SHC4: variants seen among roughly 807,000 people sequenced by gnomAD.
The protein encoded by SHC4 is SHC-transforming protein 4.
Under a neutral mutation model 69.4 loss-of-function variants are expected in SHC4, and 41 were observed. The observed-to-expected ratio is 0.59, with a 90% CI of 0.46 to 0.77. The LOEUF (loss-of-function observed/expected upper bound fraction) is 0.77. SHC4 is among the 30% of genes least tolerant of loss of function. The pLI, the probability that SHC4 is intolerant of heterozygous loss-of-function variation, is 0.00. For synonymous variants in SHC4, 318 were observed against 299.3 expected (o/e 1.06, Z -0.64); for missense variants, 777 against 783.8 (o/e 0.99, Z 0.10).
chr15:48,925,606 C>A (rs999005753), intron 1 of SHC4, among the ~76,000 whole-genome samples: 9 of 152,150 alleles, frequency 5.9e-5, no homozygotes, highest in African/African-American at 2.2e-4. Flanking sequence ...TGTGCTGCAT[C>A]AGTGATTAGT....
At chr15:48,935,376 C>G (rs1353070656) in intron 1 of SHC4, among the ~76,000 whole-genome samples, 1 of 152,140 alleles carries the variant, frequency 6.6e-6, no homozygotes, top group African/African-American at 2.4e-5. Flanking sequence ...GTCTATGCCT[C>G]CTGCTGGACT....
At chr15:48,902,587 C>T (rs1356224759) in intron 2 of SHC4, among the ~76,000 whole-genome samples, 1 of 152,084 alleles carries the variant, frequency 6.6e-6, no homozygotes, top group African/African-American at 2.4e-5. Context: ...CAGCTGAGTT[C>T]CTTACACAGA....
intron 2 of SHC4, among the ~76,000 whole-genome samples, chr15:48,905,622 A>G (rs557928301): frequency 6.6e-6 from 1 of 152,262 alleles, no homozygotes; most frequent in Non-Finnish European, 1.5e-5. Flanking sequence ...TGCATGATGA[A>G]GAAGGCCTGG....
At chr15:48,877,804 C>A in intron 4 of SHC4, 1 of 184,670 alleles carries the variant, frequency 5.4e-6, no homozygotes, top group Non-Finnish European at 1.1e-5. Flanking sequence ...CGGTAAATTG[C>A]CCAGGGGAAG....
At chr15:48,854,946 C>T (rs947631013) in intron 8 of SHC4, among the ~76,000 whole-genome samples, 2 of 152,074 alleles carry the variant, frequency 1.3e-5, no homozygotes, top group African/African-American at 4.8e-5. Flanking sequence ...AACCTGCACA[C>T]ATACTCCCTC....
intron 10 of SHC4, among the ~76,000 whole-genome samples, chr15:48,838,113 T>C (rs993019064): frequency 6.6e-6 from 1 of 152,190 alleles, no homozygotes; most frequent in African/African-American, 2.4e-5. Flanking sequence ...TAGAATACTA[T>C]AGAGCAATTT....
intron 1 of SHC4, among the ~76,000 whole-genome samples, chr15:48,949,033 C>T (rs1027722096): frequency 2.0e-5 from 3 of 152,100 alleles, no homozygotes; most frequent in Non-Finnish European, 4.4e-5. Context: ...CTGTGTCTTC[C>T]ACTGGCATCT....
intron 2 of SHC4, among the ~76,000 whole-genome samples, chr15:48,920,145 G>A (rs1480852061): frequency 2.0e-5 from 3 of 151,702 alleles, no homozygotes; most frequent in African/African-American, 4.8e-5. Flanking sequence ...CTCCTGAGTA[G>A]CTGGGACTAC....
intron 1 of SHC4, 86 bp downstream of exon 1, chr15:48,962,345 A>G: frequency 7.4e-7 from 1 of 1,352,512 alleles, no homozygotes; most frequent in Non-Finnish European, 1.0e-6. Flanking sequence ...GAACCCAGGC[A>G]GGTAACATTA....
chr15:48,962,824 T>A lies in SHC4; in HGVS notation c.192A>T (p.Ala64=). 1 of 1,591,692 alleles carries A rather than the reference T, an allele frequency of 6.3e-7. No homozygotes were observed. The highest frequency in any genetic ancestry group is 1.1e-5 in the South Asian group (1 of 90,588). The change falls in exon 1 of 12, where the codon GCA becomes GCT. Residue 64 remains alanine, a synonymous_variant. Transcript: ENST00000332408. ...TGGCATCTTCAGTCGGCAGGTGAGGTGCCAGGGCGGGGTGGGGAGGCTGCG... is the reference window on the plus strand; with the variant it reads ...TGGCATCTTCAGTCGGCAGGTGAGGAGCCAGGGCGGGGTGGGGAGGCTGCG... The part of the protein sequence containing the change: ...GSPQPPHPAL[A]PHLPTEDATL...
chr15:48,914,283 G>T (rs957284572), intron 2 of SHC4, among the ~76,000 whole-genome samples: 1 of 152,240 alleles, frequency 6.6e-6, no homozygotes, highest in Non-Finnish European at 1.5e-5. Flanking sequence ...GAAACATTAA[G>T]TGTGGTAGGG....
rs538243616 is a variant in SHC4, at chr15:48,945,166, C to G, written c.585+17265G>C. 9.9e-5 allele frequency among the ~76,000 whole-genome samples: 15 copies of G among 152,130 alleles called. No individual in the cohort carries two copies. In the South Asian group the frequency reaches 2.7e-3, roughly 27 times the overall value. Reference sequence around the variant, plus strand: ...CCAGAGACAGACTCACTCTGAAAAGCAAAAAGTCATAGCTGACTGAACAAA... The same window carrying G: ...CCAGAGACAGACTCACTCTGAAAAGGAAAAAGTCATAGCTGACTGAACAAA... On this transcript the variant is annotated intron_variant, in intron 1 of 11. Transcript: ENST00000332408.
chr15:48,909,470 G>A (rs1237075830), intron 2 of SHC4, among the ~76,000 whole-genome samples: 1 of 151,942 alleles, frequency 6.6e-6, no homozygotes, highest in African/African-American at 2.4e-5. Context: ...GGTTTTCAAG[G>A]TAAATGATCA....
chr15:48,949,138 G>A (rs1324660968), intron 1 of SHC4, among the ~76,000 whole-genome samples: 1 of 152,132 alleles, frequency 6.6e-6, no homozygotes, highest in African/African-American at 2.4e-5. Context: ...TTGGGAGGCT[G>A]AGGCGGGTGG....
intron 9 of SHC4, among the ~76,000 whole-genome samples, chr15:48,845,061 C>T (rs977293860): frequency 8.5e-5 from 13 of 152,132 alleles, no homozygotes; most frequent in African/African-American, 3.1e-4. Flanking sequence ...ATGTGCTAGC[C>T]ATATAGCTAG....
chr15:48,913,264 T>C (rs1178453109), intron 2 of SHC4, among the ~76,000 whole-genome samples: 1 of 151,790 alleles, frequency 6.6e-6, no homozygotes, highest in African/African-American at 2.4e-5. Context: ...TGGGCAGGTC[T>C]TGATGTGGCT....
intron 1 of SHC4, among the ~76,000 whole-genome samples, chr15:48,930,963 C>A (rs757913049): frequency 2.6e-4 from 39 of 152,170 alleles, no homozygotes; most frequent in Non-Finnish European, 5.3e-4. Context: ...CTGAGCAAAC[C>A]AACTACTTCC....
At chr15:48,859,117 A>G (rs1021208166) in intron 6 of SHC4, among the ~76,000 whole-genome samples, 5 of 152,196 alleles carry the variant, frequency 3.3e-5, no homozygotes, top group African/African-American at 9.6e-5. Flanking sequence ...ATTCATATTT[A>G]TTTGAAGTAA....
chr15:48,911,031 GTGTATTC>G (rs1567067619), intron 2 of SHC4, among the ~76,000 whole-genome samples: 1 of 152,128 alleles, frequency 6.6e-6, no homozygotes, highest in East Asian at 1.9e-4. Context: ...TGAATAGAAT[GTGTATTC>G]TGCAGTTGCT....
Sources: gnomAD v4.1 joint callset for allele counts (sites outside exome capture counted in the v4.1 genomes callset) on GRCh38, gnomAD v4.1.1 for gene constraint, MANE v1.5 for transcripts, NCBI Gene and HGNC (gene_info 2026-07-23, HGNC 2026-07-21) for gene names.